BRAF: variants seen among roughly 807,000 people sequenced by gnomAD.
BRAF encodes the protein B-Raf proto-oncogene, serine/threonine kinase.
A neutral mutation model predicts 104.6 loss-of-function variants in BRAF; 16 were observed. That is an observed-to-expected ratio of 0.15 (90% CI 0.10 to 0.23). The LOEUF is 0.23. BRAF is among the 10% of genes least tolerant of loss of function. The probability of loss-of-function intolerance (pLI) is 1.00; values close to 1 mark genes in which losing one functional copy is unlikely to be tolerated. For synonymous variants in BRAF, 310 were observed against 341.6 expected (o/e 0.91, Z 1.02); for missense variants, 541 against 937.3 (o/e 0.58, Z 5.52).
chr7:140,835,712 G>A (rs191283121), intron 2 of BRAF: 1 of 152,110 alleles, frequency 6.6e-6, no homozygotes, highest in East Asian at 1.9e-4. Context: ...AACCATACAA[G>A]ATATCAAATT....
chr7:140,840,423 T>C (rs988258659), intron 2 of BRAF, among the ~76,000 whole-genome samples: 10 of 151,834 alleles, frequency 6.6e-5, no homozygotes, highest in African/African-American at 1.5e-4. Flanking sequence ...AAAGACAAAA[T>C]TGAAAGAGTG....
Position 140,924,572 on chromosome 7 carries a change from C to T in BRAF, c.132G>A (p.Pro44=), listed in dbSNP as rs889134706. Residue 44 remains proline, a synonymous_variant, in exon 1 of 20, where the codon CCG becomes CCA. Transcript: ENST00000644969. The surrounding 1 kb of genome is among the most constrained non-coding windows in gnomAD (Gnocchi z 4.2). ...AASSAADPAI[P]EEVWNIKQMI... ...GGGTGGCGCCAGCACTCACCTCCTC[C>T]GGAATGGCAGGGTCCGCAGCCGAAG... 4 of 1,531,088 alleles carry T rather than the reference C, an allele frequency of 2.6e-6. No individual in the cohort carries two copies. Among genetic ancestry groups the T allele is most frequent in the Non-Finnish European group, 1.7e-6 (2 of 1,144,910 alleles). The allele number at this position is 1,531,088 out of a possible 1,614,324, so 94.8% of individuals were successfully genotyped here. A position where few individuals can be genotyped will look rare whatever the true frequency, so the allele number is the denominator to read the frequency against.
intron 3 of BRAF, among the ~76,000 whole-genome samples, chr7:140,810,910 G>A (rs543221341): frequency 6.6e-6 from 1 of 152,252 alleles, no homozygotes; most frequent in African/African-American, 2.4e-5. Context: ...AGCCTATTTG[G>A]TGCCACTTTT....
intron 19 of BRAF, chr7:140,734,523 T>A: frequency 6.2e-7 from 1 of 1,610,380 alleles, no homozygotes; most frequent in Non-Finnish European, 8.5e-7. Flanking sequence ...TTATTCAATT[T>A]AACATATAAG....
At chr7:140,820,190 T>A (rs947821192) in intron 3 of BRAF, among the ~76,000 whole-genome samples, 1 of 152,204 alleles carries the variant, frequency 6.6e-6, no homozygotes, top group Non-Finnish European at 1.5e-5. Context: ...ATTAGATTGG[T>A]AATACTTTTA....
At chr7:140,897,171 G>C (rs182621666) in intron 1 of BRAF, among the ~76,000 whole-genome samples, 1 of 151,566 alleles carries the variant, frequency 6.6e-6, no homozygotes, top group African/African-American at 2.4e-5. Context: ...AATAAACAAA[G>C]AGAAGAGACT....
At chr7:140,901,916 A>G (rs2129129630) in intron 1 of BRAF, among the ~76,000 whole-genome samples, 1 of 152,294 alleles carries the variant, frequency 6.6e-6, no homozygotes, top group South Asian at 2.1e-4. Context: ...ACTATCATTC[A>G]TTTCTATATC....
intron 1 of BRAF, among the ~76,000 whole-genome samples, chr7:140,880,216 C>A (rs1189582142): frequency 6.6e-6 from 1 of 152,162 alleles, no homozygotes; most frequent in Admixed American, 6.5e-5. Flanking sequence ...ATGTAAAATT[C>A]TAAATCTTTT....
intron 5 of BRAF, among the ~76,000 whole-genome samples, chr7:140,801,945 TGA>T (rs1803159127): frequency 6.6e-6 from 1 of 152,156 alleles, no homozygotes; most frequent in South Asian, 2.1e-4. Context: ...CGACTGGTGT[TGA>T]CGGAACAAGA....
intron 17 of BRAF, 135 bp from the exon 17 acceptor site, chr7:140,740,081 T>TA: frequency 2.1e-6 from 2 of 938,902 alleles, no homozygotes; most frequent in South Asian, 1.7e-5. Flanking sequence ...TAAAAAGTTT[T>TA]AAAAAACCAA....
intron 1 of BRAF, among the ~76,000 whole-genome samples, chr7:140,922,545 A>G (rs1818338683): frequency 6.6e-6 from 1 of 152,210 alleles, no homozygotes; most frequent in South Asian, 2.1e-4. Flanking sequence ...ACAATTTCAT[A>G]ACCCCTACTT....
At chr7:140,788,943 GCT>G (rs1210212269) in intron 8 of BRAF, among the ~76,000 whole-genome samples, 6 of 151,548 alleles carry the variant, frequency 4.0e-5, no homozygotes, top group Non-Finnish European at 8.8e-5. Context: ...GGGTGCGGTG[GCT>G]CAAGCCTGTA....
chr7:140,724,036 A>G lies in BRAF; in HGVS notation c.*2458T>C, dbSNP rs1795458245. 3 of 1,046,840 alleles carry G rather than the reference A, an allele frequency of 2.9e-6. No homozygotes were observed. Among genetic ancestry groups the G allele is most frequent in the East Asian group, 1.1e-4 (2 of 17,776 alleles). The allele number at this position is 1,046,840 out of a possible 1,614,324, so 64.8% of individuals were successfully genotyped here. A position where few individuals can be genotyped will look rare whatever the true frequency, so the allele number is the denominator to read the frequency against. On this transcript the variant is annotated 3_prime_UTR_variant, in exon 20 of 20. Coordinates refer to ENST00000644969, the MANE Select transcript of BRAF (RefSeq NM_001374258.1). ...TTTTAAGGTATCTATAAAAATCTCA[A>G]TATGCTAAGCCTGGCTCCTGGGCAC...
chr7:140,908,975 C>A lies in BRAF; in HGVS notation c.138+15591G>T, dbSNP rs1258441473. On this transcript the variant is annotated intron_variant, in intron 1 of 19. Transcript: ENST00000644969. ...CCCCACTATCTTTTCAGCTCTGCAA[C>A]TGCTCTACGTTTTCTTTTTTTTTTT... Among the ~76,000 whole-genome samples, 5 of 132,640 alleles carry A rather than the reference C, an allele frequency of 3.8e-5. No individual in the cohort carries two copies. In the South Asian group the frequency reaches 1.3e-3, roughly 36 times the overall value. The allele number at this position is 132,640 out of a possible 152,430, so 87.0% of individuals were successfully genotyped here. A position where few individuals can be genotyped will look rare whatever the true frequency, so the allele number is the denominator to read the frequency against.
chr7:140,772,306 AC>A (rs1320027538), intron 14 of BRAF, among the ~76,000 whole-genome samples: 2 of 151,842 alleles, frequency 1.3e-5, no homozygotes, highest in South Asian at 4.2e-4. Flanking sequence ...AACAACAACA[AC>A]AACAACAAAG....
At chr7:140,849,155 T>C (rs1356320139) in intron 2 of BRAF, among the ~76,000 whole-genome samples, 1 of 152,174 alleles carries the variant, frequency 6.6e-6, no homozygotes, top group Non-Finnish European at 1.5e-5. Flanking sequence ...GTGAGCAGTG[T>C]GGGCTGTAGA....
chr7:140,876,600 TAGAA>T (rs1812290193), intron 1 of BRAF, among the ~76,000 whole-genome samples: 1 of 152,186 alleles, frequency 6.6e-6, no homozygotes, highest in Non-Finnish European at 1.5e-5. Context: ...ATTTTCATAA[TAGAA>T]AGCATAACTA....
downstream of BRAF, among the ~76,000 whole-genome samples, chr7:140,717,323 C>A (rs1795152476): frequency 6.6e-6 from 1 of 152,092 alleles, no homozygotes; most frequent in Non-Finnish European, 1.5e-5. Flanking sequence ...CTCTGCCGCC[C>A]AGGCTGCAGT....
chr7:140,739,564 A>G (rs1029063390), intron 18 of BRAF, among the ~76,000 whole-genome samples: 8 of 152,092 alleles, frequency 5.3e-5, no homozygotes, highest in Non-Finnish European at 1.2e-4. Context: ...AAAAGAGTTC[A>G]AAGACTGAGA....
Sources: gnomAD v4.1 joint callset for allele counts (sites outside exome capture counted in the v4.1 genomes callset) on GRCh38, gnomAD v4.1.1 for gene constraint, Gnocchi (gnomAD v3.1) non-coding constraint, MANE v1.5 for transcripts, NCBI Gene and HGNC (gene_info 2026-07-23, HGNC 2026-07-21) for gene names.